MYO5B: variants seen among roughly 807,000 people sequenced by gnomAD.
MYO5B encodes myosin VB, also known as unconventional myosin-Vb.
A neutral mutation model predicts 229.3 loss-of-function variants in MYO5B; 143 were observed. The observed-to-expected ratio is 0.62, with a 90% CI of 0.54 to 0.72. The LOEUF is 0.72. Among genes scored for constraint, MYO5B ranks in the 30% least tolerant of loss-of-function variants. The pLI is 0.00. For missense variants in MYO5B, 2,321 were observed against 2,331.0 expected (o/e 1.00, Z 0.09); for synonymous variants, 918 against 885.2 (o/e 1.04, Z -0.66).
chr18:49,857,593 G>A (rs2024277703), intron 29 of MYO5B, among the ~76,000 whole-genome samples: 1 of 152,222 alleles, frequency 6.6e-6, no homozygotes, highest in Non-Finnish European at 1.5e-5. Flanking sequence ...TGCCCTAGAT[G>A]AGAACTGAAT....
intron 9 of MYO5B, 50 bp from the exon 10 acceptor site, chr18:49,974,665 GC>G (rs1264903761): frequency 1.3e-6 from 2 of 1,586,022 alleles, no homozygotes; most frequent in Non-Finnish European, 8.6e-7. Flanking sequence ...GAGACAAGCC[GC>G]CCCCCACCAA....
chr18:50,194,624 A>T, intron 1 of MYO5B, 143 bp downstream of exon 1: 1 of 548,128 alleles, frequency 1.8e-6, no homozygotes, highest in Non-Finnish European at 3.2e-6. Context: ...GACTCCGAGG[A>T]CAGTGACGAG....
At chr18:49,846,179 A>G (rs1184628693) in intron 33 of MYO5B, among the ~76,000 whole-genome samples, 1 of 152,172 alleles carries the variant, frequency 6.6e-6, no homozygotes, top group East Asian at 1.9e-4. Flanking sequence ...ACCCTGATGA[A>G]CTTTGACAGT....
chr18:49,988,033 C>G (rs7237973), intron 7 of MYO5B, among the ~76,000 whole-genome samples: 1 of 152,020 alleles, frequency 6.6e-6, no homozygotes. Context: ...AATGGCCCAA[C>G]AATGGGGCAG....
intron 25 of MYO5B, among the ~76,000 whole-genome samples, 169 bp downstream of exon 25, chr18:49,877,594 A>G (rs561134102): frequency 8.5e-5 from 13 of 152,336 alleles, no homozygotes; most frequent in African/African-American, 3.1e-4. Flanking sequence ...ACTCCAGAGA[A>G]CTGTCTCTAA....
intron 34 of MYO5B, among the ~76,000 whole-genome samples, chr18:49,842,383 T>TA (rs1398945373): frequency 6.6e-6 from 1 of 152,210 alleles, no homozygotes; most frequent in African/African-American, 2.4e-5. Context: ...AAACCAGACT[T>TA]AAAGGCTGGC....
chr18:50,072,121 C>T (rs975324311), intron 1 of MYO5B, among the ~76,000 whole-genome samples: 6 of 152,176 alleles, frequency 3.9e-5, no homozygotes, highest in African/African-American at 1.4e-4. Flanking sequence ...CTTCAGAAAA[C>T]ACTGATCTCA....
rs961186480 is a variant in MYO5B, at chr18:49,928,536, C to G, written c.2090+976G>C. Among the ~76,000 whole-genome samples, 4 of 152,242 alleles carry G rather than the reference C, an allele frequency of 2.6e-5. No individual in the cohort carries two copies. The South Asian group carries it at 8.3e-4, about 32-fold the overall frequency. ...GTGCACACCTGTAGTCCCAGCTACA[C>G]AGGAGACTAAGGCAGAAGAATCTCT... On this transcript the variant is annotated intron_variant, in intron 17 of 39. Transcript: ENST00000285039.
intron 1 of MYO5B, among the ~76,000 whole-genome samples, chr18:50,105,480 G>C (rs2031740847): frequency 6.6e-6 from 1 of 152,102 alleles, no homozygotes; most frequent in Non-Finnish European, 1.5e-5. Flanking sequence ...AATCCAACAT[G>C]GGAAAACCGC....
intron 17 of MYO5B, 84 bp downstream of exon 17, chr18:49,929,428 C>G: frequency 1.8e-6 from 2 of 1,102,050 alleles, no homozygotes; most frequent in Non-Finnish European, 2.6e-6. Context: ...TTCTGGCCGA[C>G]GGTACACAGA....
intron 4 of MYO5B, among the ~76,000 whole-genome samples, chr18:50,024,735 T>C (rs1306551391): frequency 6.6e-6 from 1 of 152,172 alleles, no homozygotes; most frequent in African/African-American, 2.4e-5. Flanking sequence ...CTCCTGGCCA[T>C]GCTGCACTGC....
intron 14 of MYO5B, among the ~76,000 whole-genome samples, chr18:49,943,273 G>A (rs1205185529): frequency 6.6e-6 from 1 of 150,942 alleles, no homozygotes; most frequent in Non-Finnish European, 1.5e-5. Context: ...GTTAAATGAC[G>A]AGTTACTGGG....
Position 49,906,452 on chromosome 18 carries a change from AG to A in MYO5B, c.2380del (p.Leu794CysfsTer110). 6.2e-7 allele frequency: 1 copy of A among 1,614,136 alleles called. No individual in the cohort carries two copies. The highest frequency in any genetic ancestry group is 8.5e-7 in the Non-Finnish European group (1 of 1,180,010). On this transcript the variant is annotated frameshift_variant, in exon 19 of 40. Transcript: ENST00000285039. LOFTEE classifies it high-confidence loss of function. ...CAGGTGTCCCCGGCAGTACCTCTGC[AG>A]GGTTAAGGTAGCCCCCTTCAGCCTG... ...YHRLKGATLT[L>X]QRYCRGHLAR...
intron 1 of MYO5B, among the ~76,000 whole-genome samples, chr18:50,143,382 C>T (rs1339531173): frequency 6.6e-6 from 1 of 152,190 alleles, no homozygotes; most frequent in Non-Finnish European, 1.5e-5. Context: ...AGGCAGGACC[C>T]AGGAGGCCCC....
At chr18:50,095,804 T>C (rs1199993831) in intron 1 of MYO5B, among the ~76,000 whole-genome samples, 2 of 152,240 alleles carry the variant, frequency 1.3e-5, no homozygotes, top group Non-Finnish European at 2.9e-5. Flanking sequence ...CACTCCCATA[T>C]GGGTCATGCC....
At chr18:50,082,632 T>G (rs181822967) in intron 1 of MYO5B, among the ~76,000 whole-genome samples, 1 of 152,204 alleles carries the variant, frequency 6.6e-6, no homozygotes. Flanking sequence ...AACTGTAGGA[T>G]TGGGACCTCA....
intron 10 of MYO5B, among the ~76,000 whole-genome samples, chr18:49,972,243 AAAAC>A (rs1360984381): frequency 3.9e-5 from 6 of 152,222 alleles, no homozygotes; most frequent in Non-Finnish European, 8.8e-5. Flanking sequence ...GATGTTAGAG[AAAAC>A]AAACAATTAC....
chr18:50,180,097 A>G (rs1319218635), intron 1 of MYO5B, among the ~76,000 whole-genome samples: 1 of 152,186 alleles, frequency 6.6e-6, no homozygotes, highest in African/African-American at 2.4e-5. Context: ...AAGGAAAAGC[A>G]TGTTGTAACC....
At chr18:49,937,196 C>T in intron 15 of MYO5B, 49 bp downstream of exon 15, 1 of 1,609,374 alleles carries the variant, frequency 6.2e-7, no homozygotes, top group East Asian at 2.2e-5. Context: ...TACAGAGAGG[C>T]CAGCCCTGCA....
Sources: allele counts gnomAD v4.1 joint callset (sites outside exome capture counted in the v4.1 genomes callset), GRCh38; gene constraint gnomAD v4.1.1; transcripts MANE v1.5; gene names NCBI Gene and HGNC (gene_info 2026-07-23, HGNC 2026-07-21).